The following SNX2 variants were observed in gnomAD, a reference collection of about 807,000 sequenced individuals.
SNX2 encodes the protein sorting nexin-2.
Under a neutral mutation model 69.9 loss-of-function variants are expected in SNX2, and 25 were observed. The ratio of observed to expected loss-of-function variants is 0.36; its 90% CI spans 0.26 to 0.50. The LOEUF is 0.50. SNX2 is among the 20% of genes least tolerant of loss of function. The probability of loss-of-function intolerance (pLI) is 0.97; values close to 1 mark genes in which losing one functional copy is unlikely to be tolerated. For missense variants in SNX2, 551 were observed against 613.3 expected (o/e 0.90, Z 1.07); for synonymous variants, 229 against 200.4 (o/e 1.14, Z -1.20).
In SNX2 at chr5:122,826,033, A is replaced by T. The variant is rs755211771; in HGVS notation, c.1213-17A>T. The T allele has an allele frequency of 6.2e-7, 1 of 1,608,078 alleles. No homozygotes were observed. Among genetic ancestry groups the T allele is most frequent in the Non-Finnish European group, 8.5e-7 (1 of 1,176,038 alleles). ...AATGTTACTCTTACTTAATAGCATT[A>T]TGTCATTCACTTATAGGGTGTGTTT... On this transcript the variant is annotated splice_polypyrimidine_tract_variant and intron_variant, in intron 11 of 14. Transcript: ENST00000379516.
chr5:122,801,751 G>C, intron 3 of SNX2, 118 bp from the exon 4 acceptor site: 1 of 654,536 alleles, frequency 1.5e-6, no homozygotes, highest in Non-Finnish European at 2.6e-6. Flanking sequence ...GAAGTGCTGG[G>C]TGGCTAAATT....
chr5:122,789,452 C>CACAA (rs1753171970), intron 1 of SNX2, among the ~76,000 whole-genome samples: 1 of 117,774 alleles, frequency 8.5e-6, no homozygotes, highest in Non-Finnish European at 1.7e-5. Flanking sequence ...TACACACACA[C>CACAA]ACACACACAC....
intron 6 of SNX2, among the ~76,000 whole-genome samples, chr5:122,805,467 C>T (rs974104933): frequency 6.6e-6 from 1 of 151,962 alleles, no homozygotes. Flanking sequence ...CTTTTTTAAA[C>T]ATTAGGTTTA....
rs376650413 is a variant in SNX2, at chr5:122,795,281, C to G, written c.124C>G (p.Pro42Ala). The G allele has an allele frequency of 1.9e-6, 3 of 1,612,898 alleles. No individual in the cohort carries two copies. Among genetic ancestry groups the G allele is most frequent in the African/African-American group, 1.3e-5 (1 of 74,874 alleles). Residue 42 changes from proline to alanine, a missense_variant, in exon 2 of 15, where the codon CCA (proline) becomes GCA (alanine). Around this residue, in one of 2 missense-constraint regions of SNX2, gnomAD observed 191 missense variants for 162.9 expected, o/e 1.17. Transcript: ENST00000379516. ...TTTTTAACAGTCAAGTCCATCATCT[C>G]CAGAACCAGCTAGTCTTCCTGCAGA... ...VSTLESSPSSPEPASLPAEDI... is the reference protein window; with the variant it reads ...VSTLESSPSSAEPASLPAEDI...
chr5:122,779,589 T>C (rs1752926661), intron 1 of SNX2, among the ~76,000 whole-genome samples: 1 of 152,220 alleles, frequency 6.6e-6, no homozygotes, highest in African/African-American at 2.4e-5. Context: ...AATATGACCA[T>C]GAGTATTCAG....
chr5:122,803,569 A>T lies in SNX2; in HGVS notation c.599A>T (p.His200Leu). 6.2e-7 allele frequency: 1 copy of T among 1,611,962 alleles called. No individual in the cohort carries two copies. Among genetic ancestry groups the T allele is most frequent in the Non-Finnish European group, 8.5e-7 (1 of 1,179,226 alleles). The change falls in exon 6 of 15, where the codon CAT becomes CTT. Residue 200 changes from histidine (H) to leucine (L), a missense_variant. By Grantham distance (99) the His-to-Leu change is moderately conservative. Transcript: ENST00000379516. ...LHSKLASKYL[H>L]VGYIVPPAPE... ...AGCAAATTAGCAAGCAAATATTTACATGTTGGTTATATTGTGCCACCAGCT... is the reference window on the plus strand; with the variant it reads ...AGCAAATTAGCAAGCAAATATTTACTTGTTGGTTATATTGTGCCACCAGCT...
chr5:122,795,985 A>G lies in SNX2; in HGVS notation c.226+602A>G, dbSNP rs946720292. 7.2e-5 allele frequency among the ~76,000 whole-genome samples: 11 copies of G among 152,326 alleles called. No homozygotes were observed. In the East Asian group the frequency reaches 1.2e-3, roughly 16 times the overall value. On this transcript the variant is annotated intron_variant, in intron 2 of 14. Coordinates refer to ENST00000379516, the MANE Select transcript of SNX2 (RefSeq NM_003100.4). ...TATTAAAAAGCAACATCTTCCTTAAAATTAATGACACAAAAAATGAAAATG... is the reference window on the plus strand; with the variant it reads ...TATTAAAAAGCAACATCTTCCTTAAGATTAATGACACAAAAAATGAAAATG...
intron 11 of SNX2, among the ~76,000 whole-genome samples, chr5:122,822,077 TA>T (rs1334493791): frequency 6.6e-6 from 1 of 152,228 alleles, no homozygotes; most frequent in Non-Finnish European, 1.5e-5. Flanking sequence ...TTACAAATGA[TA>T]AACCATTTGC....
intron 3 of SNX2, among the ~76,000 whole-genome samples, chr5:122,800,246 G>C (rs1029278541): frequency 5.9e-5 from 9 of 152,062 alleles, no homozygotes; most frequent in Non-Finnish European, 1.0e-4. Context: ...AAAGAAGGGA[G>C]GATGTATATC....
chr5:122,788,630 C>T (rs2150002616), intron 1 of SNX2, among the ~76,000 whole-genome samples: 1 of 152,284 alleles, frequency 6.6e-6, no homozygotes. Flanking sequence ...ACACTTTGCT[C>T]TTCAATAGCA....
intron 6 of SNX2, 84 bp downstream of exon 6, chr5:122,803,697 A>C: frequency 2.0e-6 from 2 of 1,022,608 alleles, no homozygotes. Flanking sequence ...TTTCTTAGTC[A>C]TTCACTGTCA....
chr5:122,826,823 ATATT>A (rs1754159682), intron 12 of SNX2, among the ~76,000 whole-genome samples: 1 of 151,950 alleles, frequency 6.6e-6, no homozygotes, highest in Non-Finnish European at 1.5e-5. Flanking sequence ...ACTGAATTTA[ATATT>A]TATTGATGGT....
intron 7 of SNX2, among the ~76,000 whole-genome samples, chr5:122,811,141 G>T (rs759142718): frequency 2.0e-5 from 3 of 152,170 alleles, no homozygotes; most frequent in Non-Finnish European, 2.9e-5. Flanking sequence ...TTATTCAATA[G>T]TATGATATTT....
chr5:122,801,402 C>G (rs1753507201), intron 3 of SNX2, among the ~76,000 whole-genome samples: 1 of 151,996 alleles, frequency 6.6e-6, no homozygotes. Context: ...GTCAGGAGTT[C>G]AAAACCAGCC....
In SNX2 at chr5:122,795,365, A is replaced by G; in HGVS notation, c.208A>G (p.Arg70Gly). 1 of 1,610,434 alleles carries G rather than the reference A, an allele frequency of 6.2e-7. No homozygotes were observed. The highest frequency in any genetic ancestry group is 8.5e-7 in the Non-Finnish European group (1 of 1,176,928). ...CACAGAAGTTGTATTAGATGATGAC[A>G]GAGAAGATCTTTTTGCAGGTAATTG... is the stretch of plus-strand genomic sequence containing the variant. ...KPTEVVLDDD[R>G]EDLFAEATEE... The change falls in exon 2 of 15, where the codon AGA becomes GGA. Residue 70 changes from arginine to glycine, a missense_variant. This residue lies in a region of SNX2 where 191 missense variants were observed against 162.9 expected (regional missense o/e 1.17). Transcript: ENST00000379516.
At chr5:122,813,136 C>T (rs1753818172) in intron 7 of SNX2, among the ~76,000 whole-genome samples, 1 of 152,116 alleles carries the variant, frequency 6.6e-6, no homozygotes, top group Non-Finnish European at 1.5e-5. Flanking sequence ...CTTCTTCCTA[C>T]ACTCATTTAC....
intron 7 of SNX2, among the ~76,000 whole-genome samples, chr5:122,815,203 T>C (rs1432050032): frequency 6.6e-6 from 1 of 152,250 alleles, no homozygotes; most frequent in Non-Finnish European, 1.5e-5. Flanking sequence ...CATAGTGGTA[T>C]TTCTAACTTT....
chr5:122,798,045 G>T (rs963832421), intron 2 of SNX2, among the ~76,000 whole-genome samples: 55 of 152,286 alleles, frequency 3.6e-4, no homozygotes, highest in African/African-American at 1.3e-3. Flanking sequence ...TATTTTGCCT[G>T]TGAGTCTGTT....
chr5:122,793,682 G>A (rs562788185), intron 1 of SNX2, among the ~76,000 whole-genome samples: 2 of 152,188 alleles, frequency 1.3e-5, no homozygotes, highest in South Asian at 2.1e-4. Flanking sequence ...GGCCAAGGCG[G>A]GCGGATCACC....
Sources: gnomAD v4.1 joint callset for allele counts (sites outside exome capture counted in the v4.1 genomes callset) on GRCh38, gnomAD v4.1.1 for gene constraint, gnomAD v4.1.1 regional missense constraint, MANE v1.5 for transcripts, NCBI Gene and HGNC (gene_info 2026-07-23, HGNC 2026-07-21) for gene names.